Variants in NMNAT3 observed in about 807,000 individuals in gnomAD.
The protein encoded by NMNAT3 is nicotinamide nucleotide adenylyltransferase 3.
A neutral mutation model predicts 24.8 loss-of-function variants in NMNAT3; 21 were observed. That is an observed-to-expected ratio of 0.85 (90% CI 0.60 to 1.22). The LOEUF (loss-of-function observed/expected upper bound fraction) is 1.22, where lower values mean the gene tolerates loss of function less well. Among genes scored for constraint, NMNAT3 ranks in the 50% most tolerant of loss-of-function variants. The pLI is 0.00. For missense variants in NMNAT3, 387 were observed against 436.6 expected (o/e 0.89, Z 1.01); for synonymous variants, 136 against 155.2 (o/e 0.88, Z 0.92).
chr3:139,575,488 C>G (rs1939161938), intron 5 of NMNAT3: 4 of 633,124 alleles, frequency 6.3e-6, no homozygotes, highest in Non-Finnish European at 7.9e-6. Flanking sequence ...CCACCTACCT[C>G]TTGGAGTTGC....
intron 5 of NMNAT3, among the ~76,000 whole-genome samples, chr3:139,575,117 C>A (rs925657136): frequency 2.0e-4 from 31 of 152,132 alleles, no homozygotes; most frequent in African/African-American, 7.2e-4. Context: ...AAAGGGACCC[C>A]ACGGAATTCA....
chr3:139,668,004 G>T (rs2057639479), intron 1 of NMNAT3, among the ~76,000 whole-genome samples: 2 of 152,194 alleles, frequency 1.3e-5, no homozygotes, highest in Non-Finnish European at 2.9e-5. Context: ...GATATGGGAG[G>T]TATCCATATA....
chr3:139,564,686 C>G (rs147127163), intron 6 of NMNAT3, among the ~76,000 whole-genome samples: 60 of 152,330 alleles, frequency 3.9e-4, no homozygotes, highest in Non-Finnish European at 6.2e-4. Flanking sequence ...TTTGCAACCC[C>G]AGAGTATAAC....
rs201273136 is a variant in NMNAT3 at position 139,561,325 on chromosome 3, C to T, written c.726G>A (p.Trp242Ter). The change falls in exon 7 of 7, where the codon TGG (tryptophan) becomes TGA (stop). Residue 242 changes from tryptophan (W) to a stop codon, truncating the protein, a stop_gained. Transcript: ENST00000643695. LOFTEE classifies it low-confidence loss of function (END_TRUNC). ...CTATTTCCTGGATGTGCGCATCCTTCCAGAGGTTGGGGGTCTGGAAGGTCT... is the reference window on the plus strand; with the variant it reads ...CTATTTCCTGGATGTGCGCATCCTTTCAGAGGTTGGGGGTCTGGAAGGTCT... 2 of 1,614,056 alleles carry T rather than the reference C, an allele frequency of 1.2e-6. No individual in the cohort carries two copies. The highest frequency in any genetic ancestry group is 2.2e-5 in the East Asian group (1 of 44,876).
intron 4 of NMNAT3, 131 bp from the exon 5 acceptor site, chr3:139,579,186 G>T: frequency 9.8e-6 from 7 of 711,224 alleles, no homozygotes; most frequent in Non-Finnish European, 1.7e-5. Context: ...ATTCTCTCAT[G>T]GGGGAGAAAG....
chr3:139,675,071 T>C (rs1298774086), intron 1 of NMNAT3, among the ~76,000 whole-genome samples: 2 of 151,916 alleles, frequency 1.3e-5, no homozygotes, highest in Admixed American at 1.3e-4. Flanking sequence ...TGAAAATATT[T>C]GGCCCTCAGC....
At chr3:139,577,551 T>A (rs2108083256) in intron 5 of NMNAT3, among the ~76,000 whole-genome samples, 3 of 152,340 alleles carry the variant, frequency 2.0e-5, no homozygotes, top group South Asian at 4.1e-4. Flanking sequence ...TGCCTACATA[T>A]TAAAGCTAAA....
intron 3 of NMNAT3, among the ~76,000 whole-genome samples, chr3:139,606,134 C>T (rs1003425896): frequency 6.6e-6 from 1 of 152,192 alleles, no homozygotes; most frequent in African/African-American, 2.4e-5. Context: ...AGGAAACTAA[C>T]ATTAATTCAA....
At chr3:139,562,366 ATCCGTGTCCC>A (rs1304450743) in intron 6 of NMNAT3, among the ~76,000 whole-genome samples, 1 of 152,190 alleles carries the variant, frequency 6.6e-6, no homozygotes, top group Non-Finnish European at 1.5e-5. Context: ...TCCTGGCACT[ATCCGTGTCCC>A]TCTTGGTGAG....
chr3:139,626,399 A>T (rs1195099958), intron 3 of NMNAT3, among the ~76,000 whole-genome samples: 1 of 151,770 alleles, frequency 6.6e-6, no homozygotes, highest in African/African-American at 2.4e-5. Context: ...TTTATTCTTT[A>T]TAGTGTATTT....
rs530358702 is a variant in NMNAT3 at position 139,560,657 on chromosome 3, A to G, written c.*353T>C. The G allele has an allele frequency of 4.6e-4, 100 of 216,854 alleles. No individual in the cohort carries two copies. Among genetic ancestry groups the G allele is most frequent in the African/African-American group, 2.2e-3 (97 of 43,852 alleles). The allele number at this position is 216,854 out of a possible 1,614,324, so 13.4% of individuals were successfully genotyped here. A position where few individuals can be genotyped will look rare whatever the true frequency, so the allele number is the denominator to read the frequency against. On this transcript the variant is annotated 3_prime_UTR_variant, in exon 7 of 7. Coordinates refer to ENST00000643695, the MANE Select transcript of NMNAT3 (RefSeq NM_001320510.2). ...TGTGGGCAATTCTGATCTGACCCTC[A>G]GGGGCCGCTGCCATGCTCAGAACTG... is the stretch of plus-strand genomic sequence containing the variant.
At chr3:139,570,360 G>A (rs1015326325) in intron 6 of NMNAT3, 1 of 152,214 alleles carries the variant, frequency 6.6e-6, no homozygotes, top group African/African-American at 2.4e-5. Flanking sequence ...GTCATTCTCT[G>A]TCCAACTTTG....
At chr3:139,649,400 A>T (rs1200002182) in intron 1 of NMNAT3, among the ~76,000 whole-genome samples, 1 of 152,170 alleles carries the variant, frequency 6.6e-6, no homozygotes, top group African/African-American at 2.4e-5. Context: ...GTTTTTATTT[A>T]AAAAAAGAAA....
intron 3 of NMNAT3, among the ~76,000 whole-genome samples, chr3:139,602,518 A>C (rs945980156): frequency 6.6e-6 from 1 of 152,210 alleles, no homozygotes; most frequent in Non-Finnish European, 1.5e-5. Context: ...CATTGACAAA[A>C]ATGCAAATTC....
intron 3 of NMNAT3, among the ~76,000 whole-genome samples, chr3:139,585,508 C>A (rs920622911): frequency 1.3e-5 from 2 of 152,066 alleles, no homozygotes; most frequent in East Asian, 3.9e-4. Flanking sequence ...ATATTGTTTT[C>A]TTTTGTGCCT....
At chr3:139,582,639 C>CAAAAA (rs58495559) in intron 4 of NMNAT3, among the ~76,000 whole-genome samples, 139 of 57,374 alleles carry the variant, frequency 2.4e-3, no homozygotes, top group African/African-American at 7.0e-3. Flanking sequence ...GGGACTGTCT[C>CAAAAA]AAAAAAAAAA....
intron 3 of NMNAT3, among the ~76,000 whole-genome samples, chr3:139,615,207 T>C (rs1003869608): frequency 1.3e-5 from 2 of 152,192 alleles, no homozygotes; most frequent in African/African-American, 4.8e-5. Flanking sequence ...TACCACAAAA[T>C]GTTCCAAGTT....
At chr3:139,595,316 A>G (rs1256664152) in intron 3 of NMNAT3, among the ~76,000 whole-genome samples, 1 of 152,242 alleles carries the variant, frequency 6.6e-6, no homozygotes, top group African/African-American at 2.4e-5. Flanking sequence ...GAAAGAGGAT[A>G]CAAACAAATG....
At chr3:139,592,226 A>C (rs1012156026) in intron 3 of NMNAT3, among the ~76,000 whole-genome samples, 2 of 152,226 alleles carry the variant, frequency 1.3e-5, no homozygotes, top group African/African-American at 4.8e-5. Context: ...TCAGCGATGG[A>C]AGATGAAATG....
Sources: gnomAD v4.1 joint callset for allele counts (sites outside exome capture counted in the v4.1 genomes callset) on GRCh38, gnomAD v4.1.1 for gene constraint, MANE v1.5 for transcripts, NCBI Gene and HGNC (gene_info 2026-07-23, HGNC 2026-07-21) for gene names.